The following DAPK1 variants were observed in gnomAD, a reference collection of about 807,000 sequenced individuals.
DAPK1 encodes the protein death-associated protein kinase 1.
Under a neutral mutation model 144.9 loss-of-function variants are expected in DAPK1, and 56 were observed. The ratio of observed to expected loss-of-function variants is 0.39; its 90% CI spans 0.31 to 0.48. The LOEUF is 0.48. Among genes scored for constraint, DAPK1 ranks in the 20% least tolerant of loss-of-function variants. DAPK1 has a pLI of 0.95. For missense variants in DAPK1, 1,454 were observed against 1,875.4 expected, an observed-to-expected ratio of 0.78 and a Z score of 4.15; for synonymous variants, 690 against 749.0, an observed-to-expected ratio of 0.92 and a Z score of 1.29.
At chr9:87,634,533 G>A (rs1301275885) in intron 3 of DAPK1, among the ~76,000 whole-genome samples, 2 of 152,218 alleles carry the variant, frequency 1.3e-5, no homozygotes, top group African/African-American at 2.4e-5. Flanking sequence ...AATCACTTGT[G>A]CCATTGGTCA....
chr9:87,520,442 T>C (rs1825253841), intron 2 of DAPK1, among the ~76,000 whole-genome samples: 1 of 152,174 alleles, frequency 6.6e-6, no homozygotes, highest in African/African-American at 2.4e-5. Context: ...AGTTTTCAGC[T>C]CTGTGGAACT....
chr9:87,645,082 C>T (rs1587804982), intron 11 of DAPK1, among the ~76,000 whole-genome samples: 1 of 152,206 alleles, frequency 6.6e-6, no homozygotes, highest in Non-Finnish European at 1.5e-5. Context: ...AGCAGAGATT[C>T]AGCCTCTGTA....
At chr9:87,642,143 T>C (rs559991338) in intron 10 of DAPK1, 85 bp downstream of exon 10, 1 of 981,702 alleles carries the variant, frequency 1.0e-6, no homozygotes, top group South Asian at 1.5e-5. Flanking sequence ...CCTCTGATAC[T>C]GGTAATATGG....
intron 2 of DAPK1, among the ~76,000 whole-genome samples, chr9:87,560,282 C>A (rs1222405545): frequency 6.6e-6 from 1 of 152,132 alleles, no homozygotes; most frequent in Admixed American, 6.5e-5. Context: ...AGGTGTGAGT[C>A]ACCATGCCCA....
intron 17 of DAPK1, among the ~76,000 whole-genome samples, chr9:87,653,156 C>T (rs1408037414): frequency 6.9e-6 from 1 of 144,750 alleles, no homozygotes; most frequent in Non-Finnish European, 1.5e-5. Flanking sequence ...CTGTGTCCAT[C>T]CCCCCGATCC....
At chr9:87,527,763 A>G (rs1347975158) in intron 2 of DAPK1, among the ~76,000 whole-genome samples, 1 of 152,222 alleles carries the variant, frequency 6.6e-6, no homozygotes, top group African/African-American at 2.4e-5. Flanking sequence ...TATTGGGACT[A>G]TTCCCAGGTG....
At position 87,686,237 on chromosome 9, in the gene DAPK1, G is replaced by A. The variant is rs1440161136; in HGVS notation, c.2225-314G>A. Reference sequence around the variant, plus strand: ...CCTCTGCCCTCCCACCCTCTCCACAGCCTCCCGTTGGCTGACCCTAAGCAG... The same window carrying A: ...CCTCTGCCCTCCCACCCTCTCCACAACCTCCCGTTGGCTGACCCTAAGCAG... On this transcript the variant is annotated intron_variant, in intron 20 of 25. Coordinates refer to ENST00000408954, the MANE Select transcript of DAPK1 (RefSeq NM_004938.4). The surrounding 1 kb of genome is among the most constrained non-coding windows in gnomAD (Gnocchi z 4.2). Among the ~76,000 whole-genome samples the A allele has an allele frequency of 6.6e-6, 1 of 152,154 alleles. No homozygotes were observed. The highest frequency in any genetic ancestry group is 1.9e-4 in the East Asian group (1 of 5,186).
intron 2 of DAPK1, among the ~76,000 whole-genome samples, chr9:87,564,483 A>T (rs1323529862): frequency 1.3e-5 from 2 of 148,474 alleles, no homozygotes; most frequent in African/African-American, 4.9e-5. Flanking sequence ...TATTTTGCAT[A>T]TGGTGCTGGA....
At chr9:87,606,894 T>C (rs1472307198) in intron 3 of DAPK1, among the ~76,000 whole-genome samples, 2 of 150,698 alleles carry the variant, frequency 1.3e-5, no homozygotes, top group Non-Finnish European at 3.0e-5. Context: ...TGAATCACTC[T>C]TCCTTCAGGC....
intron 19 of DAPK1, 125 bp downstream of exon 19, chr9:87,668,799 T>C: frequency 1.4e-6 from 1 of 726,216 alleles, no homozygotes; most frequent in Non-Finnish European, 2.5e-6. Flanking sequence ...GGAACAGTGG[T>C]CCCTGTCCTG....
rs1414784264 is a variant in DAPK1, at chr9:87,647,490, A to T, written c.1329+87A>T. On this transcript the variant is annotated intron_variant, in intron 14 of 25. Coordinates refer to ENST00000408954, the MANE Select transcript of DAPK1 (RefSeq NM_004938.4). Reference sequence around the variant, plus strand: ...GTGCTGGCCTACCGTGTGCATCGGGACCCAAAGGAAAGGAATCAGGACCAG... The same window carrying T: ...GTGCTGGCCTACCGTGTGCATCGGGTCCCAAAGGAAAGGAATCAGGACCAG... 4.5e-6 allele frequency: 5 copies of T among 1,113,316 alleles called. No individual in the cohort carries two copies. The East Asian group carries it at 1.2e-4, about 26-fold the overall frequency. The allele number at this position is 1,113,316 out of a possible 1,614,324, so 69.0% of individuals were successfully genotyped here.
At chr9:87,501,406 G>A (rs538166068) in intron 2 of DAPK1, among the ~76,000 whole-genome samples, 2 of 152,278 alleles carry the variant, frequency 1.3e-5, no homozygotes, top group Admixed American at 1.3e-4. Flanking sequence ...TTGGCCAGGC[G>A]CAGTGGCGCG....
chr9:87,502,244 C>T (rs774575477), intron 2 of DAPK1, among the ~76,000 whole-genome samples: 79 of 152,116 alleles, frequency 5.2e-4, no homozygotes, highest in Middle Eastern at 3.4e-3. Context: ...TGAGCTGGCA[C>T]ACCCTCCAAG....
chr9:87,666,031 A>G (rs1259457523), intron 18 of DAPK1, among the ~76,000 whole-genome samples: 1 of 152,216 alleles, frequency 6.6e-6, no homozygotes, highest in South Asian at 2.1e-4. Flanking sequence ...GGTGTCCAGT[A>G]GAGCCAAGAC....
At chr9:87,542,489 A>G (rs1034521438) in intron 2 of DAPK1, among the ~76,000 whole-genome samples, 2 of 152,204 alleles carry the variant, frequency 1.3e-5, no homozygotes, top group Non-Finnish European at 2.9e-5. Context: ...CATGCACATC[A>G]TTCCTTACCT....
At chr9:87,555,406 C>T (rs1826671970) in intron 2 of DAPK1, among the ~76,000 whole-genome samples, 1 of 152,106 alleles carries the variant, frequency 6.6e-6, no homozygotes, top group African/African-American at 2.4e-5. Flanking sequence ...CACCCTGGGG[C>T]TATCTGATAT....
chr9:87,587,781 G>A (rs1344931922), intron 2 of DAPK1, among the ~76,000 whole-genome samples: 4 of 152,196 alleles, frequency 2.6e-5, no homozygotes, highest in Non-Finnish European at 4.4e-5. Context: ...AGCAGCCCTC[G>A]CTCAAGATGG....
At chr9:87,526,060 C>G (rs1412492375) in intron 2 of DAPK1, among the ~76,000 whole-genome samples, 1 of 151,374 alleles carries the variant, frequency 6.6e-6, no homozygotes, top group Non-Finnish European at 1.5e-5. Context: ...GTAATCCTAG[C>G]ACTTTGGGAG....
intron 2 of DAPK1, among the ~76,000 whole-genome samples, chr9:87,569,066 A>G (rs936984730): frequency 6.6e-6 from 1 of 152,160 alleles, no homozygotes; most frequent in Non-Finnish European, 1.5e-5. Flanking sequence ...AATAAGTAGC[A>G]TCCCTTTGCA....
Sources: gnomAD v4.1 joint callset for allele counts (sites outside exome capture counted in the v4.1 genomes callset) on GRCh38, gnomAD v4.1.1 for gene constraint, Gnocchi (gnomAD v3.1) non-coding constraint, MANE v1.5 for transcripts, NCBI Gene and HGNC (gene_info 2026-07-23, HGNC 2026-07-21) for gene names.